Variants in CAPSL observed in about 807,000 individuals in gnomAD.
The protein encoded by CAPSL is calcyphosine like, also known as calcyphosin-like protein.
Under a neutral mutation model 21.3 loss-of-function variants are expected in CAPSL, and 17 were observed. That is an observed-to-expected ratio of 0.80 (90% CI 0.55 to 1.20). The LOEUF (loss-of-function observed/expected upper bound fraction) is 1.20. CAPSL is among the 50% of genes most tolerant of loss of function. The pLI, the probability that CAPSL is intolerant of heterozygous loss-of-function variation, is 0.00. For synonymous variants in CAPSL, 102 were observed against 89.3 expected (o/e 1.14, Z -0.80); for missense variants, 289 against 259.3 (o/e 1.11, Z -0.79).
intron 2 of CAPSL, among the ~76,000 whole-genome samples, chr5:35,913,542 G>T (rs1362370531): frequency 1.3e-5 from 2 of 152,066 alleles, no homozygotes; most frequent in African/African-American, 4.8e-5. Flanking sequence ...AAGAGAGTGG[G>T]GGCCAATATT....
At chr5:35,913,471 C>A (rs1738287350) in intron 2 of CAPSL, among the ~76,000 whole-genome samples, 1 of 152,086 alleles carries the variant, frequency 6.6e-6, no homozygotes, top group African/African-American at 2.4e-5. Context: ...GGTCAGGTTA[C>A]CCACAAAGGG....
chr5:35,920,551 A>C (rs930583912), intron 2 of CAPSL, among the ~76,000 whole-genome samples: 2 of 152,314 alleles, frequency 1.3e-5, no homozygotes, highest in African/African-American at 2.4e-5. Context: ...AAGCAATACC[A>C]GTGTCCCTGG....
intron 1 of CAPSL, among the ~76,000 whole-genome samples, chr5:35,927,626 T>C (rs1738719295): frequency 6.6e-6 from 1 of 152,134 alleles, no homozygotes; most frequent in Non-Finnish European, 1.5e-5. Flanking sequence ...CAGTCCCCCA[T>C]AGGGATGGGG....
At chr5:35,932,265 A>G (rs1372260353) in intron 1 of CAPSL, among the ~76,000 whole-genome samples, 5 of 152,188 alleles carry the variant, frequency 3.3e-5, no homozygotes, top group Non-Finnish European at 1.5e-5. Flanking sequence ...AAAATGATAG[A>G]GATTTACTTT....
At chr5:35,910,568 C>G (rs370482916) in intron 2 of CAPSL, 25 bp from the exon 3 acceptor site, 32 of 1,525,536 alleles carry the variant, frequency 2.1e-5, no homozygotes, top group Non-Finnish European at 2.9e-5. Flanking sequence ...CACAAAAATT[C>G]AGAAGAAATG....
chr5:35,921,155 G>T (rs1738529104), intron 1 of CAPSL, 35 bp from the exon 2 acceptor site: 9 of 1,606,208 alleles, frequency 5.6e-6, no homozygotes, highest in Non-Finnish European at 7.7e-6. Flanking sequence ...GCAAAGTCCA[G>T]GCCTCGCCGC....
At chr5:35,917,672 C>T (rs1738428258) in intron 2 of CAPSL, among the ~76,000 whole-genome samples, 1 of 152,028 alleles carries the variant, frequency 6.6e-6, no homozygotes, top group South Asian at 2.1e-4. Context: ...ACAATGAGAA[C>T]ACATGGACAC....
chr5:35,909,813 A>G (rs1264861380), intron 4 of CAPSL, 53 bp downstream of exon 4: 2 of 1,443,488 alleles, frequency 1.4e-6, no homozygotes, highest in East Asian at 4.6e-5. Flanking sequence ...CCTATTTCCC[A>G]TTTACAATTT....
chr5:35,906,049 A>G (rs1190121608), intron 4 of CAPSL, among the ~76,000 whole-genome samples: 1 of 152,256 alleles, frequency 6.6e-6, no homozygotes, highest in African/African-American at 2.4e-5. Context: ...CAACAAAGTA[A>G]GTGGATCATT....
At chr5:35,937,001 C>T (rs1738965173) in intron 1 of CAPSL, among the ~76,000 whole-genome samples, 1 of 152,196 alleles carries the variant, frequency 6.6e-6, no homozygotes, top group South Asian at 2.1e-4. Flanking sequence ...TGACCATTAT[C>T]CTAGACTCTT....
intron 1 of CAPSL, among the ~76,000 whole-genome samples, chr5:35,921,392 T>G (rs1738535211): frequency 6.6e-6 from 1 of 152,222 alleles, no homozygotes; most frequent in Admixed American, 6.5e-5. Flanking sequence ...TGAAGCCCTC[T>G]TCCATCCATA....
At chr5:35,921,756 C>T (rs964405996) in intron 1 of CAPSL, among the ~76,000 whole-genome samples, 1 of 152,146 alleles carries the variant, frequency 6.6e-6, no homozygotes, top group Non-Finnish European at 1.5e-5. Context: ...GGGAAGAGCA[C>T]TTAGCTGGGG....
At chr5:35,927,837 G>C (rs1433669367) in intron 1 of CAPSL, among the ~76,000 whole-genome samples, 1 of 152,180 alleles carries the variant, frequency 6.6e-6, no homozygotes, top group Admixed American at 6.5e-5. Flanking sequence ...CAATAAACTA[G>C]CTATTACTAC....
At chr5:35,915,008 T>A (rs1408208419) in intron 2 of CAPSL, among the ~76,000 whole-genome samples, 1 of 151,854 alleles carries the variant, frequency 6.6e-6, no homozygotes, top group African/African-American at 2.4e-5. Flanking sequence ...ATAGACACAA[T>A]AAAAAATGAT....
chr5:35,936,849 T>C (rs1386873631), intron 1 of CAPSL, among the ~76,000 whole-genome samples: 1 of 152,240 alleles, frequency 6.6e-6, no homozygotes, highest in Non-Finnish European at 1.5e-5. Flanking sequence ...AGGCACTCTC[T>C]GGAGCCAGAT....
intron 1 of CAPSL, among the ~76,000 whole-genome samples, chr5:35,937,598 G>A (rs1266784102): frequency 6.6e-6 from 1 of 152,174 alleles, no homozygotes; most frequent in Non-Finnish European, 1.5e-5. Flanking sequence ...TGCCCTGCTA[G>A]ACAGACTATA....
At chr5:35,928,612 A>G (rs1179459339) in intron 1 of CAPSL, among the ~76,000 whole-genome samples, 4 of 152,166 alleles carry the variant, frequency 2.6e-5, no homozygotes, top group Non-Finnish European at 5.9e-5. Context: ...TCAACTGGGT[A>G]CAATCCCCCC....
chr5:35,915,603 C>A (rs1224937829), intron 2 of CAPSL, among the ~76,000 whole-genome samples: 8 of 152,118 alleles, frequency 5.3e-5, no homozygotes, highest in Non-Finnish European at 1.0e-4. Context: ...GAACCAACGA[C>A]AAAAACCACA....
At chr5:35,918,571 C>T (rs565528055) in intron 2 of CAPSL, among the ~76,000 whole-genome samples, 4 of 152,286 alleles carry the variant, frequency 2.6e-5, no homozygotes, top group African/African-American at 9.6e-5. Flanking sequence ...TGTAACAAAC[C>T]TGCACGTTCT....
Sources: allele counts gnomAD v4.1 joint callset (sites outside exome capture counted in the v4.1 genomes callset), GRCh38; gene constraint gnomAD v4.1.1; transcripts MANE v1.5; gene names NCBI Gene and HGNC (gene_info 2026-07-23, HGNC 2026-07-21).